Variants in CNTN5 observed in about 807,000 individuals in gnomAD.
CNTN5 encodes the protein contactin 5.
In CNTN5, 77 loss-of-function variants were observed where a neutral mutation model predicts 129.1. That is an observed-to-expected ratio of 0.60 (90% CI 0.50 to 0.72). The LOEUF (loss-of-function observed/expected upper bound fraction) is 0.72, where lower values mean the gene tolerates loss of function less well. Among genes scored for constraint, CNTN5 ranks in the 30% least tolerant of loss-of-function variants. The pLI is 0.00. For synonymous variants in CNTN5, 509 were observed against 465.6 expected, an observed-to-expected ratio of 1.09 and a Z score of -1.20; for missense variants, 1,478 against 1,328.8, an observed-to-expected ratio of 1.11 and a Z score of -1.75.
intron 2 of CNTN5, among the ~76,000 whole-genome samples, chr11:99,536,863 A>G (rs1478885278): frequency 6.6e-6 from 1 of 151,302 alleles, no homozygotes; most frequent in Admixed American, 6.6e-5. Context: ...TTAAAAAAAA[A>G]AAAAAGAAAA....
intron 3 of CNTN5, among the ~76,000 whole-genome samples, chr11:99,669,375 C>T (rs1490107418): frequency 4.6e-5 from 7 of 151,956 alleles, no homozygotes; most frequent in Admixed American, 3.9e-4. Flanking sequence ...GGCTATTTCT[C>T]ATTTCAAACT....
chr11:99,661,827 A>C (rs1455811754), intron 3 of CNTN5, among the ~76,000 whole-genome samples: 3 of 152,158 alleles, frequency 2.0e-5, no homozygotes, highest in Non-Finnish European at 2.9e-5. Flanking sequence ...TGCTTCAAAA[A>C]CTAGGTACAG....
intron 15 of CNTN5, among the ~76,000 whole-genome samples, chr11:100,199,684 C>T (rs924772457): frequency 4.6e-5 from 7 of 151,640 alleles, no homozygotes; most frequent in Non-Finnish European, 8.8e-5. Context: ...GAAATCATTC[C>T]GAAAGCAAAT....
At chr11:99,636,549 G>A (rs1951562691) in intron 3 of CNTN5, among the ~76,000 whole-genome samples, 1 of 151,892 alleles carries the variant, frequency 6.6e-6, no homozygotes, top group Non-Finnish European at 1.5e-5. Flanking sequence ...ATCAGTGACA[G>A]GAGTAGAAGA....
intron 13 of CNTN5, among the ~76,000 whole-genome samples, chr11:100,097,971 T>TA (rs926267414): frequency 4.0e-4 from 60 of 151,786 alleles, no homozygotes; most frequent in African/African-American, 1.3e-3. Context: ...ATCGGGGAGT[T>TA]TTTTTTTAAG....
At chr11:99,300,977 T>C (rs1864608427) in intron 1 of CNTN5, among the ~76,000 whole-genome samples, 1 of 151,720 alleles carries the variant, frequency 6.6e-6, no homozygotes, top group African/African-American at 2.4e-5. Flanking sequence ...ATAGTAAAAG[T>C]GGGGAGCAGT....
At chr11:100,050,285 C>T (rs1229498459) in intron 9 of CNTN5, among the ~76,000 whole-genome samples, 4 of 152,150 alleles carry the variant, frequency 2.6e-5, no homozygotes, top group Admixed American at 6.5e-5. Flanking sequence ...CCATGGAATA[C>T]AGTGCAGCCA....
At chr11:99,675,849 T>C (rs762302051) in intron 3 of CNTN5, among the ~76,000 whole-genome samples, 5 of 152,198 alleles carry the variant, frequency 3.3e-5, no homozygotes, top group Non-Finnish European at 7.3e-5. Context: ...GTTACCTTAG[T>C]ATATCATTTC....
chr11:99,822,282 C>T (rs1591257109), intron 4 of CNTN5, among the ~76,000 whole-genome samples: 1 of 152,122 alleles, frequency 6.6e-6, no homozygotes, highest in Admixed American at 6.5e-5. Flanking sequence ...AGAAACCTTC[C>T]CATACAAGTA....
chr11:100,355,046 T>C (rs1348740806), intron 24 of CNTN5, among the ~76,000 whole-genome samples: 1 of 151,200 alleles, frequency 6.6e-6, no homozygotes, highest in Non-Finnish European at 1.5e-5. Context: ...ATAAAAACAA[T>C]TTTTTCTCTA....
chr11:100,023,843 T>A (rs1941283158), intron 9 of CNTN5, among the ~76,000 whole-genome samples: 1 of 128,952 alleles, frequency 7.8e-6, no homozygotes, highest in South Asian at 2.5e-4. Context: ...TGATAGCTAA[T>A]TTTTTTTTTA....
chr11:99,173,067 A>G (rs1227518627), intron 1 of CNTN5, among the ~76,000 whole-genome samples: 1 of 152,144 alleles, frequency 6.6e-6, no homozygotes, highest in Non-Finnish European at 1.5e-5. Flanking sequence ...TTTTAAAACC[A>G]TCAGATCTTG....
chr11:99,248,536 C>A (rs1465524426), intron 1 of CNTN5, among the ~76,000 whole-genome samples: 1 of 152,046 alleles, frequency 6.6e-6, no homozygotes, highest in Non-Finnish European at 1.5e-5. Context: ...AAGTCCTTGC[C>A]CATGCCTATG....
intron 13 of CNTN5, among the ~76,000 whole-genome samples, chr11:100,185,346 C>T (rs1948267466): frequency 6.6e-6 from 1 of 152,098 alleles, no homozygotes; most frequent in African/African-American, 2.4e-5. Flanking sequence ...ATCAGGTATC[C>T]TCCATTCTCC....
chr11:99,834,511 G>A (rs1947242427), intron 4 of CNTN5, among the ~76,000 whole-genome samples: 1 of 152,048 alleles, frequency 6.6e-6, no homozygotes, highest in Non-Finnish European at 1.5e-5. Flanking sequence ...GCAAGACCTT[G>A]TTTCAAGAAA....
chr11:99,135,546 A>G (rs2135447048), intron 1 of CNTN5, among the ~76,000 whole-genome samples: 1 of 152,286 alleles, frequency 6.6e-6, no homozygotes, highest in South Asian at 2.1e-4. Context: ...GTGGAAAATC[A>G]TCTATGCCAT....
At chr11:100,054,599 A>G (rs1486799507) in intron 9 of CNTN5, among the ~76,000 whole-genome samples, 1 of 151,822 alleles carries the variant, frequency 6.6e-6, no homozygotes, top group Non-Finnish European at 1.5e-5. Flanking sequence ...ATGACACTTC[A>G]TCTCCTCATT....
Position 99,290,794 on chromosome 11 carries a change from GCTT to G in CNTN5, c.-209-34547_-209-34545del, listed in dbSNP as rs539032798. Among the ~76,000 whole-genome samples the G allele has an allele frequency of 1.5e-4, 23 of 151,836 alleles. 1 individual carries two copies. The South Asian group carries it at 4.8e-3, about 32-fold the overall frequency. Reference sequence around the variant, plus strand: ...TCATATTTAATTTCCATGTTTAACTGCTTCTTCCAGTAATCACTGATGAAATGT... The same window carrying G: ...TCATATTTAATTTCCATGTTTAACTGCTTCCAGTAATCACTGATGAAATGT... On this transcript the variant is annotated intron_variant, in intron 1 of 24. Transcript: ENST00000524871.
intron 2 of CNTN5, among the ~76,000 whole-genome samples, chr11:99,358,161 T>G (rs1320907717): frequency 1.5e-5 from 2 of 134,744 alleles, no homozygotes; most frequent in Non-Finnish European, 3.2e-5. Context: ...CGATCTCGGC[T>G]CACTGCAAGC....
Sources: allele counts gnomAD v4.1 joint callset (sites outside exome capture counted in the v4.1 genomes callset), GRCh38; gene constraint gnomAD v4.1.1; transcripts MANE v1.5; gene names NCBI Gene and HGNC (gene_info 2026-07-23, HGNC 2026-07-21).